Variants in TRIP11 observed in about 807,000 individuals in gnomAD.
TRIP11 encodes thyroid hormone receptor interactor 11, also known as thyroid receptor-interacting protein 11.
A neutral mutation model predicts 223.1 loss-of-function variants in TRIP11; 148 were observed. That is an observed-to-expected ratio of 0.66 (90% confidence interval 0.58 to 0.76). The LOEUF is 0.76. Among genes scored for constraint, TRIP11 ranks in the 30% least tolerant of loss-of-function variants. The pLI is 0.00. For synonymous variants in TRIP11, 762 were observed against 772.6 expected (o/e 0.99, Z 0.23); for missense variants, 2,043 against 2,222.0 (o/e 0.92, Z 1.62).
intron 2 of TRIP11, among the ~76,000 whole-genome samples, chr14:92,025,669 G>A (rs564130175): frequency 6.6e-6 from 1 of 152,064 alleles, no homozygotes; most frequent in Non-Finnish European, 1.5e-5. Context: ...ATGAGGTCAG[G>A]AGATCGAGAC....
intron 15 of TRIP11, 89 bp from the exon 16 acceptor site, chr14:91,988,472 A>G: frequency 1.7e-6 from 2 of 1,152,738 alleles, no homozygotes; most frequent in South Asian, 2.6e-5. Context: ...CAACCTCTAC[A>G]TTTCAGCTGG....
At position 92,003,571 on chromosome 14, in the gene TRIP11, C is replaced by T. The variant is rs147588757; in HGVS notation, c.4405G>A (p.Val1469Met). Residue 1469 changes from valine (V) to methionine (M), a missense_variant, in exon 11 of 21, where the codon GTG becomes ATG. Val to Met is a conservative substitution (Grantham distance 21). Coordinates refer to ENST00000267622, the MANE Select transcript of TRIP11 (RefSeq NM_004239.4). ...GKLKGENEKI[V>M]ETYRGKETEY... ...GTTTCCTTTCCCCTGTATGTTTCCA[C>T]TATTTTTTCATTTTCTCCTTTTAGT... 25 of 1,614,130 alleles carry T rather than the reference C, an allele frequency of 1.5e-5. 1 individual carries two copies. In the Admixed American group the frequency reaches 1.8e-4, roughly 12 times the overall value.
intron 16 of TRIP11, among the ~76,000 whole-genome samples, chr14:91,979,410 C>A (rs922540382): frequency 3.3e-5 from 5 of 152,000 alleles, no homozygotes; most frequent in Non-Finnish European, 7.4e-5. Context: ...ATCAAGAAAT[C>A]AAACTGCGTA....
Position 92,014,553 on chromosome 14 carries a change from T to C in TRIP11, c.848A>G (p.Asp283Gly). ...TTGCATCTCATAGATTTTAGAGAGATCAGTTTCTATAACTCCAGAGCCACC... is the reference window on the plus strand; with the variant it reads ...TTGCATCTCATAGATTTTAGAGAGACCAGTTTCTATAACTCCAGAGCCACC... ...QQGGSGVIET[D>G]LSKIYEMQKT... The change falls in exon 7 of 21, where the codon GAT becomes GGT. Residue 283 changes from aspartate to glycine, a missense_variant. By Grantham distance (94) the Asp-to-Gly change is moderately conservative (BLOSUM62 -1). Coordinates refer to ENST00000267622, the MANE Select transcript of TRIP11 (RefSeq NM_004239.4). The C allele has an allele frequency of 6.2e-7, 1 of 1,603,158 alleles. No homozygotes were observed. Among genetic ancestry groups the C allele is most frequent in the African/African-American group, 1.3e-5 (1 of 74,466 alleles).
chr14:92,006,495 A>G, intron 10 of TRIP11, 47 bp from the exon 11 acceptor site: 1 of 1,591,824 alleles, frequency 6.3e-7, no homozygotes, highest in Non-Finnish European at 8.6e-7. Flanking sequence ...TTCTCATTTT[A>G]GTACTCAAAG....
rs570814392 is a variant in TRIP11 at position 92,005,852 on chromosome 14, G to T, written c.2124C>A (p.Asn708Lys). 3.1e-6 allele frequency: 5 copies of T among 1,613,896 alleles called. No individual in the cohort carries two copies. In the South Asian group the frequency reaches 5.5e-5, roughly 18 times the overall value. Residue 708 changes from asparagine (N) to lysine (K), a missense_variant, in exon 11 of 21, where the codon AAC (asparagine) becomes AAA (lysine). Transcript: ENST00000267622. ...AGNNQLSLEKNTIVETLKMEK... is the reference protein window; with the variant it reads ...AGNNQLSLEKKTIVETLKMEK... ...CCATTTTTAGAGTCTCCACAATAGT[G>T]TTTTTTTCCAGAGAAAGCTGATTGT...
In TRIP11 at chr14:91,973,921, G is replaced by A. The variant is rs182897301; in HGVS notation, c.5574+706C>T. Among the ~76,000 whole-genome samples the A allele has an allele frequency of 1.1e-4, 16 of 152,290 alleles. 1 individual carries two copies. The East Asian group carries it at 2.7e-3, about 26-fold the overall frequency. The stretch of plus-strand genomic sequence containing the variant: ...TGGGCGCCTGTTATCCCAGCTACTC[G>A]GGAGACTGAGGCAGGAGAACTGCCT... On this transcript the variant is annotated intron_variant, in intron 19 of 20. Coordinates refer to ENST00000267622, the MANE Select transcript of TRIP11 (RefSeq NM_004239.4).
At chr14:91,992,676 A>G (rs537620576) in intron 15 of TRIP11, among the ~76,000 whole-genome samples, 15 of 151,960 alleles carry the variant, frequency 9.9e-5, no homozygotes, top group South Asian at 2.1e-4. Context: ...TTGGGAGGCC[A>G]AGGCGGGCGG....
At chr14:92,003,345 T>C (rs2056851541) in intron 11 of TRIP11, 74 bp downstream of exon 11, 8 of 1,567,728 alleles carry the variant, frequency 5.1e-6, no homozygotes, top group African/African-American at 4.1e-5. Context: ...TCAAAGACAA[T>C]ATAAATGAAA....
intron 7 of TRIP11, among the ~76,000 whole-genome samples, chr14:92,013,527 T>C (rs997725827): frequency 5.3e-5 from 8 of 152,196 alleles, no homozygotes; most frequent in Non-Finnish European, 1.2e-4. Context: ...TTCAGAGAGC[T>C]GCCATAGTTA....
intron 13 of TRIP11, among the ~76,000 whole-genome samples, chr14:91,998,428 C>T (rs781627764): frequency 7.9e-5 from 12 of 151,958 alleles, no homozygotes; most frequent in Non-Finnish European, 1.6e-4. Flanking sequence ...CATGGCAAAT[C>T]CAAATAATGG....
chr14:91,975,196 G>A lies in TRIP11; in HGVS notation c.5433C>T (p.Gly1811=), dbSNP rs747875144. The part of the protein sequence containing the change: ...EVLRLMGSIL[G]VRREEMEQLF... ...CCTGCTCCATCTCCTCCCTTCTGAC[G>A]CCCAGGATGCTCCCCATTAACCGTA... Residue 1811 remains glycine (G), a synonymous_variant, in exon 18 of 21, where the codon GGC becomes GGT. Coordinates refer to ENST00000267622, the MANE Select transcript of TRIP11 (RefSeq NM_004239.4). 42 of 1,613,314 alleles carry A rather than the reference G, an allele frequency of 2.6e-5. No homozygotes were observed. Among genetic ancestry groups the A allele is most frequent in the South Asian group, 2.3e-4 (21 of 91,070 alleles).
At chr14:92,023,967 T>C (rs547669416) in intron 3 of TRIP11, among the ~76,000 whole-genome samples, 141 of 151,896 alleles carry the variant, frequency 9.3e-4, no homozygotes, top group Admixed American at 1.4e-3. Context: ...GCAATTCTCC[T>C]GTCTCAGCCT....
chr14:92,010,534 A>G (rs2056958927), intron 9 of TRIP11, among the ~76,000 whole-genome samples: 1 of 145,296 alleles, frequency 6.9e-6, no homozygotes. Flanking sequence ...CCATCTCATT[A>G]AAAAAAAAAA....
At chr14:91,980,767 A>T in intron 16 of TRIP11, among the ~76,000 whole-genome samples, 1 of 152,044 alleles carries the variant, frequency 6.6e-6, no homozygotes, top group Non-Finnish European at 1.5e-5. Flanking sequence ...ATGATTTCAC[A>T]TACATATATA....
intron 2 of TRIP11, among the ~76,000 whole-genome samples, chr14:92,031,574 C>G (rs988706387): frequency 3.3e-5 from 5 of 152,066 alleles, no homozygotes; most frequent in Admixed American, 3.3e-4. Context: ...AAGACCATGT[C>G]TCAAAGCAAC....
At chr14:92,038,783 C>T (rs1000397128) in intron 1 of TRIP11, among the ~76,000 whole-genome samples, 3 of 152,152 alleles carry the variant, frequency 2.0e-5, no homozygotes, top group Admixed American at 1.3e-4. Context: ...CCAAACATTG[C>T]TTACTAAAAT....
At chr14:91,993,674 C>CTACA in intron 15 of TRIP11, 135 bp downstream of exon 15, 1 of 704,848 alleles carries the variant, frequency 1.4e-6, no homozygotes, top group South Asian at 1.7e-5. Context: ...CACTGTCAGG[C>CTACA]TACAGCAGAG....
chr14:92,032,936 T>G (rs2057284791), intron 2 of TRIP11, among the ~76,000 whole-genome samples: 3 of 152,316 alleles, frequency 2.0e-5, no homozygotes, highest in Admixed American at 2.0e-4. Flanking sequence ...TTGATACTAT[T>G]ATTTCTACAT....
Sources: gnomAD v4.1 joint callset for allele counts (sites outside exome capture counted in the v4.1 genomes callset) on GRCh38, gnomAD v4.1.1 for gene constraint, MANE v1.5 for transcripts, NCBI Gene and HGNC (gene_info 2026-07-23, HGNC 2026-07-21) for gene names.